The following EPS15L1 variants were observed in gnomAD, a reference collection of about 807,000 sequenced individuals.
EPS15L1 encodes epidermal growth factor receptor pathway substrate 15 like 1.
In EPS15L1, 43 loss-of-function variants were observed where a neutral mutation model predicts 117.1. The ratio of observed to expected loss-of-function variants is 0.37; its 90% CI spans 0.29 to 0.47. The LOEUF is 0.47. EPS15L1 is among the 20% of genes least tolerant of loss of function. EPS15L1 has a pLI of 0.99. For synonymous variants in EPS15L1, 459 were observed against 470.5 expected (o/e 0.98, Z 0.32); for missense variants, 981 against 1,164.0 (o/e 0.84, Z 2.29).
chr19:16,373,427 T>C (rs549298483), intron 22 of EPS15L1, among the ~76,000 whole-genome samples: 7 of 152,064 alleles, frequency 4.6e-5, no homozygotes, highest in African/African-American at 1.7e-4. Context: ...GGTTTGTTTG[T>C]TTGTTTTAAG....
At chr19:16,380,886 C>T (rs1361599364) in intron 21 of EPS15L1, among the ~76,000 whole-genome samples, 1 of 152,216 alleles carries the variant, frequency 6.6e-6, no homozygotes, top group African/African-American at 2.4e-5. Context: ...TCGATCTGGG[C>T]TATTTGCGTC....
chr19:16,384,027 C>G (rs965992296), intron 21 of EPS15L1: 1 of 152,508 alleles, frequency 6.6e-6, no homozygotes, highest in Non-Finnish European at 1.5e-5. Flanking sequence ...GGGGACCCCC[C>G]ACACCGGCCA....
rs147722989 is a variant in EPS15L1 at position 16,392,432 on chromosome 19, C to T, written c.1975G>A (p.Gly659Arg). ...TCACTTTCTTTGAAAGGGTCCCCTCCAAATGGATCTAGAAGGAAAAATGCC... is the reference window on the plus strand; with the variant it reads ...TCACTTTCTTTGAAAGGGTCCCCTCTAAATGGATCTAGAAGGAAAAATGCC... ...EQQTTSTDPF[G>R]GDPFKESDPF... Residue 659 changes from glycine (G) to arginine (R), a missense_variant, in exon 19 of 24, where the codon GGA becomes AGA. Physicochemically the swap from Gly to Arg is moderately radical, Grantham distance 125. Transcript: ENST00000455140. 6.8e-6 allele frequency: 11 copies of T among 1,614,000 alleles called. No homozygotes were observed. Among genetic ancestry groups the T allele is most frequent in the Middle Eastern group, 1.6e-4 (1 of 6,084 alleles).
At chr19:16,401,662 T>G in intron 16 of EPS15L1, 1 of 985,448 alleles carries the variant, frequency 1.0e-6, no homozygotes, top group Non-Finnish European at 1.2e-6. Context: ...AGGTCACACC[T>G]GTCTTGGTAT....
chr19:16,464,773 TG>T (rs2093285592), intron 1 of EPS15L1, among the ~76,000 whole-genome samples: 1 of 82,988 alleles, frequency 1.2e-5, no homozygotes, highest in African/African-American at 4.0e-5. Flanking sequence ...CTAACACTAA[TG>T]ATAGCTGATG....
chr19:16,460,694 T>C (rs1049593086), intron 1 of EPS15L1, among the ~76,000 whole-genome samples: 4 of 151,122 alleles, frequency 2.6e-5, no homozygotes, highest in African/African-American at 9.7e-5. Context: ...AGCACGGGGG[T>C]GCCGCGGGCA....
chr19:16,396,427 A>C (rs1171638143), intron 16 of EPS15L1, among the ~76,000 whole-genome samples: 1 of 152,030 alleles, frequency 6.6e-6, no homozygotes, highest in African/African-American at 2.4e-5. Context: ...AAGCCTGGCT[A>C]ATTTTTATAT....
chr19:16,403,240 G>A (rs1406848839), intron 15 of EPS15L1, among the ~76,000 whole-genome samples: 5 of 151,276 alleles, frequency 3.3e-5, no homozygotes, highest in Admixed American at 1.3e-4. Context: ...GCCCCCCCCT[G>A]GACTGGGAAG....
rs148242333 is a variant in EPS15L1, at chr19:16,382,001, G to A, written c.2247+3128C>T. 3.3e-5 allele frequency among the ~76,000 whole-genome samples: 5 copies of A among 152,270 alleles called. No homozygotes were observed. In the East Asian group the frequency reaches 5.8e-4, roughly 18 times the overall value. ...AGTGAGCCTTTCTACCCTCTGTGTC[G>A]CGCAATAGGACCCGGGCAATAAAAC... is the stretch of plus-strand genomic sequence containing the variant. On this transcript the variant is annotated intron_variant, in intron 21 of 23. Coordinates refer to ENST00000455140, the MANE Select transcript of EPS15L1 (RefSeq NM_001258374.3).
In EPS15L1 at chr19:16,441,937, C is replaced by G; in HGVS notation, c.120G>C (p.Ala40=). The G allele has an allele frequency of 2.5e-6, 4 of 1,614,080 alleles. No individual in the cohort carries two copies. Among genetic ancestry groups the G allele is most frequent in the Middle Eastern group, 1.6e-4 (1 of 6,062 alleles). The stretch of plus-strand genomic sequence containing the variant: ...AGAGGCCAGACTTCTTTAGAAAAAG[C>G]GCAGCTTCACTCGCCCCCACCCTCC... The part of the protein sequence containing the change: ...YTGRVGASEA[A]LFLKKSGLSD... Residue 40 remains alanine (A), a synonymous_variant, in exon 3 of 24, where the codon GCG becomes GCC. Transcript: ENST00000455140.
rs180687099 is a variant in EPS15L1, at chr19:16,415,000, C to A, written c.1194-1155G>T. 3.3e-3 allele frequency among the ~76,000 whole-genome samples: 498 copies of A among 152,282 alleles called. 1 individual carries two copies. Among genetic ancestry groups the A allele is most frequent in the African/African-American group, 0.011 (475 of 41,550 alleles). On this transcript the variant is annotated intron_variant, in intron 12 of 23. Coordinates refer to ENST00000455140, the MANE Select transcript of EPS15L1 (RefSeq NM_001258374.3). ...TGGATTACAGTCATGAGCCACAGCA[C>A]CCAGCCTTCTTTTATTTTTAAACTG... is the stretch of plus-strand genomic sequence containing the variant.
intron 22 of EPS15L1, among the ~76,000 whole-genome samples, chr19:16,373,417 G>GGTTT (rs1177862631): frequency 1.3e-5 from 2 of 151,428 alleles, no homozygotes; most frequent in African/African-American, 2.4e-5. Flanking sequence ...GGCTTTTTTT[G>GGTTT]GTTTGTTTGT....
At chr19:16,413,118 A>G in intron 13 of EPS15L1, 1 of 677,234 alleles carries the variant, frequency 1.5e-6, no homozygotes, top group Non-Finnish European at 2.7e-6. Flanking sequence ...TCTGGGTATT[A>G]AGTGCTCCAA....
rs972425355 is a variant in EPS15L1, at chr19:16,355,361, A to C, written c.*344T>G. On this transcript the variant is annotated 3_prime_UTR_variant, in exon 24 of 24. Transcript: ENST00000455140. ...TGGGAGGGCGGGTGGGGATGTCTGC[A>C]GCTATGAGTAGGGAGGAGGCGGGGA... is the stretch of plus-strand genomic sequence containing the variant. 7.8e-6 allele frequency: 2 copies of C among 256,790 alleles called. No individual in the cohort carries two copies. Among genetic ancestry groups the C allele is most frequent in the Non-Finnish European group, 1.5e-5 (2 of 134,796 alleles). The allele number at this position is 256,790 out of a possible 1,614,324, so 15.9% of individuals were successfully genotyped here. A position where few individuals can be genotyped will look rare whatever the true frequency, so the allele number is the denominator to read the frequency against.
At position 16,423,759 on chromosome 19, in the gene EPS15L1, G is replaced by A. The variant is rs561402296; in HGVS notation, c.792+1324C>T. Among the ~76,000 whole-genome samples the A allele has an allele frequency of 6.6e-5, 10 of 152,250 alleles. No homozygotes were observed. The South Asian group carries it at 1.0e-3, about 16-fold the overall frequency. ...ATGGGCTTGCTGCCTTTTAAGTCAC[G>A]GAGCTACAGCAAGCTAACCTCAGAA... is the stretch of plus-strand genomic sequence containing the variant. On this transcript the variant is annotated intron_variant, in intron 9 of 23. Coordinates refer to ENST00000455140, the MANE Select transcript of EPS15L1 (RefSeq NM_001258374.3).
chr19:16,385,118 A>G lies in EPS15L1; in HGVS notation c.2247+11T>C. ...TAGCAGAGGCGCGGGGGCTCCGTGG[A>G]GGGGCTTTACCTTGGACATCTGGCT... is the stretch of plus-strand genomic sequence containing the variant. On this transcript the variant is annotated intron_variant, in intron 21 of 23. Transcript: ENST00000455140. 6.2e-7 allele frequency: 1 copy of G among 1,612,310 alleles called. No homozygotes were observed. The highest frequency in any genetic ancestry group is 8.5e-7 in the Non-Finnish European group (1 of 1,178,406).
intron 19 of EPS15L1, among the ~76,000 whole-genome samples, chr19:16,390,270 G>A (rs141039721): frequency 6.8e-4 from 104 of 152,238 alleles, no homozygotes; most frequent in African/African-American, 2.4e-3. Context: ...GATCAAATGG[G>A]AATCTTTTAT....
intron 22 of EPS15L1, among the ~76,000 whole-genome samples, chr19:16,376,205 G>A (rs2092293316): frequency 6.6e-6 from 1 of 152,236 alleles, no homozygotes; most frequent in South Asian, 2.1e-4. Context: ...GGGACAGTGT[G>A]GGGAACAGTC....
chr19:16,360,906 C>T (rs1219777127), intron 23 of EPS15L1, among the ~76,000 whole-genome samples: 1 of 152,112 alleles, frequency 6.6e-6, no homozygotes, highest in African/African-American at 2.4e-5. Context: ...AATAACACAT[C>T]TCACACCTAA....
Sources: gnomAD v4.1 joint callset for allele counts (sites outside exome capture counted in the v4.1 genomes callset) on GRCh38, gnomAD v4.1.1 for gene constraint, MANE v1.5 for transcripts, NCBI Gene and HGNC (gene_info 2026-07-23, HGNC 2026-07-21) for gene names.